The following DOCK3 variants were observed in gnomAD, a reference collection of about 807,000 sequenced individuals.
DOCK3 encodes dedicator of cytokinesis protein 3.
DOCK3 carries 60 observed loss-of-function variants against 265.6 expected under a neutral mutation model. The ratio of observed to expected loss-of-function variants is 0.23; its 90% CI spans 0.18 to 0.28. The LOEUF is 0.28. Among genes scored for constraint, DOCK3 ranks in the 10% least tolerant of loss-of-function variants. DOCK3 has a pLI of 1.00. For missense variants in DOCK3, 1,981 were observed against 2,594.3 expected (o/e 0.76, Z 5.14); for synonymous variants, 881 against 938.0 (o/e 0.94, Z 1.11).
At chr3:51,099,191 C>T (rs1017161278) in intron 9 of DOCK3, among the ~76,000 whole-genome samples, 2 of 152,128 alleles carry the variant, frequency 1.3e-5, no homozygotes, top group African/African-American at 4.8e-5. Flanking sequence ...ACATATATGC[C>T]CAACACATCA....
chr3:51,307,504 A>G (rs952424766), intron 27 of DOCK3, among the ~76,000 whole-genome samples: 1 of 152,174 alleles, frequency 6.6e-6, no homozygotes, highest in Non-Finnish European at 1.5e-5. Context: ...AACTGAACAG[A>G]TATTTTCTTA....
At chr3:50,788,009 A>G in intron 2 of DOCK3, 1 of 768,196 alleles carries the variant, frequency 1.3e-6, no homozygotes. Context: ...GTCTTCCTTA[A>G]TAGCATGCAC....
chr3:50,727,256 A>G (rs112329719), intron 1 of DOCK3, among the ~76,000 whole-genome samples: 1 of 152,342 alleles, frequency 6.6e-6, no homozygotes, highest in African/African-American at 2.4e-5. Flanking sequence ...TTAAAGATGA[A>G]GACATAGAAA....
chr3:50,747,440 G>A (rs1330453913), intron 1 of DOCK3, among the ~76,000 whole-genome samples: 1 of 152,044 alleles, frequency 6.6e-6, no homozygotes, highest in African/African-American at 2.4e-5. Flanking sequence ...CAAGGTACAA[G>A]GCATATCCAC....
At chr3:50,823,459 G>A (rs1004960797) in intron 2 of DOCK3, among the ~76,000 whole-genome samples, 26 of 152,314 alleles carry the variant, frequency 1.7e-4, no homozygotes, top group Admixed American at 5.2e-4. Flanking sequence ...CACAGCACAT[G>A]TTTCAGAGAG....
chr3:51,302,090 A>G (rs2082390228), intron 27 of DOCK3, among the ~76,000 whole-genome samples: 1 of 152,176 alleles, frequency 6.6e-6, no homozygotes, highest in Admixed American at 6.5e-5. Context: ...GTCTTTAACA[A>G]CTTGTTTTAT....
intron 1 of DOCK3, chr3:50,719,417 G>A: frequency 1.7e-6 from 1 of 590,856 alleles, no homozygotes; most frequent in Admixed American, 2.5e-5. Context: ...ATGGAGTGGA[G>A]GGGTGCTCTC....
chr3:51,023,998 T>A (rs1575803253), intron 5 of DOCK3, among the ~76,000 whole-genome samples: 1 of 152,356 alleles, frequency 6.6e-6, no homozygotes, highest in East Asian at 1.9e-4. Context: ...TTGGATAGCC[T>A]ATTTTTTCAA....
chr3:51,219,474 A>C (rs952957972), intron 14 of DOCK3, among the ~76,000 whole-genome samples: 2 of 152,174 alleles, frequency 1.3e-5, no homozygotes, highest in Non-Finnish European at 2.9e-5. Context: ...ATCCTATAAC[A>C]CTGTGTATTA....
At chr3:51,243,722 G>A (rs2078708860) in intron 21 of DOCK3, among the ~76,000 whole-genome samples, 1 of 152,080 alleles carries the variant, frequency 6.6e-6, no homozygotes, top group South Asian at 2.1e-4. Flanking sequence ...TTTTGATGTA[G>A]TCCACCTTAT....
intron 5 of DOCK3, among the ~76,000 whole-genome samples, chr3:51,057,946 T>G (rs1297466068): frequency 6.6e-6 from 1 of 152,238 alleles, no homozygotes; most frequent in East Asian, 1.9e-4. Flanking sequence ...GTTACCTACA[T>G]AACAAACCAT....
At chr3:50,928,372 G>A (rs76828497) in intron 4 of DOCK3, among the ~76,000 whole-genome samples, 3 of 151,842 alleles carry the variant, frequency 2.0e-5, no homozygotes, top group African/African-American at 7.3e-5. Flanking sequence ...TCATATTCTA[G>A]GTACCTAATA....
intron 5 of DOCK3, among the ~76,000 whole-genome samples, chr3:51,014,242 T>C (rs766558815): frequency 2.1e-4 from 32 of 152,162 alleles, no homozygotes; most frequent in Non-Finnish European, 4.4e-4. Flanking sequence ...ACCCATCTTC[T>C]GTGTTGATCA....
chr3:51,256,848 A>G (rs2079578209), intron 22 of DOCK3, among the ~76,000 whole-genome samples: 2 of 152,092 alleles, frequency 1.3e-5, no homozygotes, highest in African/African-American at 4.8e-5. Context: ...ACCCACCTCC[A>G]CCTTCCAAAG....
At position 51,331,557 on chromosome 3, in the gene DOCK3, A is replaced by G. The variant is rs1323642294; in HGVS notation, c.3488+1334A>G. ...TTTGGAAGATGTTTGTAGGTATGCT[A>G]AAAAAAAAAAAAAAGTAAATCATGG... is the stretch of plus-strand genomic sequence containing the variant. On this transcript the variant is annotated intron_variant, in intron 33 of 52. Coordinates refer to ENST00000266037, the MANE Select transcript of DOCK3 (RefSeq NM_004947.5). 3.7e-5 allele frequency among the ~76,000 whole-genome samples: 5 copies of G among 136,260 alleles called. No individual in the cohort carries two copies. The East Asian group carries it at 1.0e-3, about 29-fold the overall frequency. The allele number at this position is 136,260 out of a possible 152,430, so 89.4% of individuals were successfully genotyped here. A position where few individuals can be genotyped will look rare whatever the true frequency, so the allele number is the denominator to read the frequency against.
rs146355637 is a variant in DOCK3 at position 51,292,657 on chromosome 3, A to G, written c.2922+12453A>G. Among the ~76,000 whole-genome samples, 22 of 152,264 alleles carry G rather than the reference A, an allele frequency of 1.4e-4. No homozygotes were observed. The East Asian group carries it at 3.9e-3, about 27-fold the overall frequency. On this transcript the variant is annotated intron_variant, in intron 27 of 52. Coordinates refer to ENST00000266037, the MANE Select transcript of DOCK3 (RefSeq NM_004947.5). ...CATCCTGTTTACAATAGTATTTTTA[A>G]AAAACAAAATACTTAGGGGTTAAAA...
intron 9 of DOCK3, among the ~76,000 whole-genome samples, chr3:51,095,847 T>G (rs1419007415): frequency 1.3e-4 from 1 of 7,484 alleles, no homozygotes; most frequent in Non-Finnish European, 2.4e-4. Context: ...ATAAATAAGG[T>G]TAGCAAAAAA....
At position 51,085,951 on chromosome 3, in the gene DOCK3, C is replaced by T. The variant is rs148599978; in HGVS notation, c.550-3292C>T. On this transcript the variant is annotated intron_variant, in intron 7 of 52. Coordinates refer to ENST00000266037, the MANE Select transcript of DOCK3 (RefSeq NM_004947.5). Reference sequence around the variant, plus strand: ...GAAAAAAGAAGGTCCATGCTGAGACCGGTTCAGTCAGGGATACCCTAACCC... The same window carrying T: ...GAAAAAAGAAGGTCCATGCTGAGACTGGTTCAGTCAGGGATACCCTAACCC... 3.2e-3 allele frequency among the ~76,000 whole-genome samples: 489 copies of T among 152,144 alleles called. 3 individuals are homozygous for T. Among genetic ancestry groups the T allele is most frequent in the African/African-American group, 0.011 (471 of 41,522 alleles).
At chr3:51,349,100 A>G (rs978244161) in intron 39 of DOCK3, among the ~76,000 whole-genome samples, 162 bp downstream of exon 39, 4 of 152,182 alleles carry the variant, frequency 2.6e-5, no homozygotes, top group African/African-American at 4.8e-5. Context: ...TAGGAAACCA[A>G]AAATAACACC....
Sources: allele counts gnomAD v4.1 joint callset (sites outside exome capture counted in the v4.1 genomes callset), GRCh38; gene constraint gnomAD v4.1.1; transcripts MANE v1.5; gene names NCBI Gene and HGNC (gene_info 2026-07-23, HGNC 2026-07-21).